The following ZNF385D variants were observed in gnomAD, a reference collection of about 807,000 sequenced individuals.
ZNF385D encodes the protein zinc finger protein 385D.
ZNF385D carries 15 observed loss-of-function variants against 35.8 expected under a neutral mutation model. The ratio of observed to expected loss-of-function variants is 0.42; its 90% CI spans 0.28 to 0.64. The LOEUF (loss-of-function observed/expected upper bound fraction) is 0.64. Among genes scored for constraint, ZNF385D ranks in the 30% least tolerant of loss-of-function variants. ZNF385D has a pLI of 0.23. For synonymous variants in ZNF385D, 212 were observed against 186.8 expected (o/e 1.13, Z -1.10); for missense variants, 474 against 494.6 (o/e 0.96, Z 0.39).
intron 1 of ZNF385D, among the ~76,000 whole-genome samples, chr3:21,666,717 A>G (rs1216829776): frequency 6.6e-6 from 1 of 152,220 alleles, no homozygotes; most frequent in African/African-American, 2.4e-5. Flanking sequence ...TAGTGTTGTT[A>G]AAAGTTTCTC....
chr3:22,182,699 T>A (rs1695359566), intron 2 of ZNF385D, among the ~76,000 whole-genome samples: 1 of 152,140 alleles, frequency 6.6e-6, no homozygotes, highest in Non-Finnish European at 1.5e-5. Context: ...TCCAAATAAG[T>A]TTGAAAGATT....
intron 1 of ZNF385D, among the ~76,000 whole-genome samples, chr3:21,724,717 C>T (rs9714408): frequency 0.16 from 24,691 of 151,828 alleles, 2,420 homozygotes; most frequent in Admixed American, 0.29. Context: ...GACTTAAACT[C>T]CCACACAATA....
intron 2 of ZNF385D, among the ~76,000 whole-genome samples, chr3:21,604,492 G>A (rs1293318909): frequency 6.6e-6 from 1 of 152,140 alleles, no homozygotes. Context: ...CTTAGTTTTG[G>A]AAATGAAAGA....
rs148149090 is a variant in ZNF385D, at chr3:22,112,477, T to C, written c.325+56340A>G. ...CAGCATTACCAAATCGTACCAGTAA[T>C]TCTTAATTTCTTGTTGATAAGCAAA... On this transcript the variant is annotated intron_variant, in intron 3 of 5. Coordinates refer to the ZNF385D transcript ENST00000494108. Among the ~76,000 whole-genome samples the C allele has an allele frequency of 8.5e-5, 13 of 152,252 alleles. No homozygotes were observed. The East Asian group carries it at 2.5e-3, about 29-fold the overall frequency.
At chr3:22,227,192 G>T (rs193018675) in intron 2 of ZNF385D, among the ~76,000 whole-genome samples, 1 of 151,826 alleles carries the variant, frequency 6.6e-6, no homozygotes, top group Non-Finnish European at 1.5e-5. Flanking sequence ...GGGGCGGGGG[G>T]GGTGTAGGTG....
intron 2 of ZNF385D, among the ~76,000 whole-genome samples, chr3:22,281,679 C>G (rs1701748644): frequency 1.3e-5 from 2 of 151,818 alleles, no homozygotes; most frequent in South Asian, 4.2e-4. Context: ...CTATGTTCAT[C>G]AGGAACACTG....
At chr3:21,534,421 TACTC>T (rs2061991816) in intron 3 of ZNF385D, among the ~76,000 whole-genome samples, 1 of 151,940 alleles carries the variant, frequency 6.6e-6, no homozygotes, top group African/African-American at 2.4e-5. Flanking sequence ...ACACCCCAAA[TACTC>T]AACCAAAGGT....
At chr3:21,840,825 A>T (rs1395250391) in intron 3 of ZNF385D, among the ~76,000 whole-genome samples, 2 of 151,984 alleles carry the variant, frequency 1.3e-5, no homozygotes, top group African/African-American at 4.8e-5. Flanking sequence ...ACATATACTT[A>T]TTATATTGAA....
At chr3:21,748,755 C>G (rs1470410227) in intron 1 of ZNF385D, among the ~76,000 whole-genome samples, 1 of 152,184 alleles carries the variant, frequency 6.6e-6, no homozygotes, top group Non-Finnish European at 1.5e-5. Context: ...CAATTTTGAA[C>G]ACGCACACAC....
chr3:21,800,759 T>C (rs34238203), intron 3 of ZNF385D, among the ~76,000 whole-genome samples: 8,422 of 152,224 alleles, frequency 0.055, 575 homozygotes, highest in East Asian at 0.31. Flanking sequence ...ATCTTGTTTA[T>C]TGGCTCTAAG....
intron 3 of ZNF385D, among the ~76,000 whole-genome samples, chr3:22,082,124 C>T (rs1178034447): frequency 1.3e-5 from 2 of 151,968 alleles, no homozygotes; most frequent in East Asian, 1.9e-4. Context: ...TCTGCAGCTC[C>T]CAGAGTGATT....
At chr3:21,787,944 C>CAAA (rs560982379) in intron 3 of ZNF385D, among the ~76,000 whole-genome samples, 25 of 75,378 alleles carry the variant, frequency 3.3e-4, no homozygotes, top group African/African-American at 5.6e-4. Context: ...TTCGTCTCAA[C>CAAA]AAAAAAAAAA....
chr3:22,128,674 C>T (rs1703592868), intron 3 of ZNF385D, among the ~76,000 whole-genome samples: 1 of 152,082 alleles, frequency 6.6e-6, no homozygotes, highest in Non-Finnish European at 1.5e-5. Context: ...TTGCATTCTT[C>T]AATTTGTCAA....
chr3:21,734,081 T>C (rs1336035494), intron 1 of ZNF385D, among the ~76,000 whole-genome samples: 2 of 152,216 alleles, frequency 1.3e-5, no homozygotes, highest in Non-Finnish European at 2.9e-5. Flanking sequence ...AGATAAATTA[T>C]AGTATCACTC....
Position 22,287,181 on chromosome 3 carries a change from A to G in ZNF385D, c.106+85269T>C, listed in dbSNP as rs188832982. Reference sequence around the variant, plus strand: ...TTACTTAAAGCTTACGTTGTCTAATATAAGTATAGCTACCTCTGCTCTCTT... The same window carrying G: ...TTACTTAAAGCTTACGTTGTCTAATGTAAGTATAGCTACCTCTGCTCTCTT... On this transcript the variant is annotated intron_variant, in intron 2 of 5. Transcript: ENST00000494108. 4.6e-5 allele frequency among the ~76,000 whole-genome samples: 7 copies of G among 152,154 alleles called. No individual in the cohort carries two copies. The East Asian group carries it at 5.8e-4, about 13-fold the overall frequency.
At chr3:22,037,466 T>A (rs1439686300) in intron 3 of ZNF385D, among the ~76,000 whole-genome samples, 1 of 152,160 alleles carries the variant, frequency 6.6e-6, no homozygotes, top group East Asian at 1.9e-4. Context: ...TGGCCAGTGA[T>A]GATGAGCATT....
At chr3:22,153,692 G>A (rs1705410632) in intron 3 of ZNF385D, among the ~76,000 whole-genome samples, 1 of 151,966 alleles carries the variant, frequency 6.6e-6, no homozygotes, top group Non-Finnish European at 1.5e-5. Context: ...TTGAACTCCT[G>A]ACCTCAAGTG....
intron 3 of ZNF385D, among the ~76,000 whole-genome samples, chr3:21,932,577 C>G (rs145786200): frequency 6.6e-6 from 1 of 151,712 alleles, no homozygotes; most frequent in East Asian, 1.9e-4. Context: ...TGGCTGATTA[C>G]GTGGGGAGAC....
chr3:22,371,905 G>A (rs1364526411), intron 2 of ZNF385D, among the ~76,000 whole-genome samples: 2 of 152,068 alleles, frequency 1.3e-5, no homozygotes, highest in Non-Finnish European at 2.9e-5. Flanking sequence ...TGTATCTCAG[G>A]TTTTTTTAAG....
Sources: allele counts gnomAD v4.1 joint callset (sites outside exome capture counted in the v4.1 genomes callset), GRCh38; gene constraint gnomAD v4.1.1; transcripts MANE v1.5; gene names NCBI Gene and HGNC (gene_info 2026-07-23, HGNC 2026-07-21).